The following FAM13A variants were observed in gnomAD, a reference collection of about 807,000 sequenced individuals.
The protein encoded by FAM13A is family with sequence similarity 13 member A.
FAM13A carries 76 observed loss-of-function variants against 129.6 expected under a neutral mutation model. That is an observed-to-expected ratio of 0.59 (90% CI 0.49 to 0.71). FAM13A has a LOEUF of 0.71. Ranked by LOEUF, FAM13A falls within the 30% of genes least tolerant of loss-of-function variation. The pLI is 0.00. For synonymous variants in FAM13A, 443 were observed against 449.9 expected (o/e 0.98, Z 0.20); for missense variants, 1,108 against 1,249.3 (o/e 0.89, Z 1.70).
At chr4:89,026,247 A>G (rs534228973) in intron 2 of FAM13A, among the ~76,000 whole-genome samples, 1 of 152,326 alleles carries the variant, frequency 6.6e-6, no homozygotes, top group South Asian at 2.1e-4. Context: ...GCTGGTTGTA[A>G]ATCCTGGCTT....
intron 4 of FAM13A, among the ~76,000 whole-genome samples, chr4:88,979,440 G>C (rs1404592280): frequency 6.6e-6 from 1 of 152,182 alleles, no homozygotes; most frequent in Non-Finnish European, 1.5e-5. Flanking sequence ...TAAGAGCTTG[G>C]AGCTGAGGAG....
At chr4:88,977,694 C>T (rs1340287693) in intron 4 of FAM13A, among the ~76,000 whole-genome samples, 1 of 152,066 alleles carries the variant, frequency 6.6e-6, no homozygotes, top group Non-Finnish European at 1.5e-5. Flanking sequence ...TCTACTATCT[C>T]CTTTTCAGTG....
At chr4:88,835,243 C>T (rs1047725633) in intron 7 of FAM13A, among the ~76,000 whole-genome samples, 26 of 152,284 alleles carry the variant, frequency 1.7e-4, no homozygotes, top group Admixed American at 3.9e-4. Flanking sequence ...TTCTCCTAGC[C>T]TGGAATATCC....
intron 7 of FAM13A, among the ~76,000 whole-genome samples, chr4:88,834,852 C>T (rs188896420): frequency 1.2e-3 from 178 of 152,068 alleles, no homozygotes; most frequent in African/African-American, 3.9e-3. Flanking sequence ...ACTATTATCT[C>T]TCTCTTCCTT....
At chr4:88,804,748 T>C (rs1459122671) in intron 8 of FAM13A, among the ~76,000 whole-genome samples, 1 of 152,206 alleles carries the variant, frequency 6.6e-6, no homozygotes, top group African/African-American at 2.4e-5. Context: ...CATCAGGCAG[T>C]TTTTAAATTA....
intron 4 of FAM13A, among the ~76,000 whole-genome samples, chr4:88,988,602 C>T (rs1182787773): frequency 6.6e-6 from 1 of 151,890 alleles, no homozygotes; most frequent in Non-Finnish European, 1.5e-5. Flanking sequence ...AATCATTATG[C>T]TCCTTCAAAT....
intron 1 of FAM13A, among the ~76,000 whole-genome samples, chr4:89,045,247 T>C (rs6818976): frequency 0.056 from 8,498 of 152,108 alleles, 778 homozygotes; most frequent in African/African-American, 0.19. Flanking sequence ...GAAAAAACAT[T>C]TCAGAAGTGA....
intron 7 of FAM13A, among the ~76,000 whole-genome samples, chr4:88,827,330 C>T (rs1733172532): frequency 6.6e-6 from 1 of 152,192 alleles, no homozygotes; most frequent in Admixed American, 6.5e-5. Context: ...CCATTCAATA[C>T]ACGCATTCAA....
At chr4:88,925,740 A>G (rs1370512428) in intron 5 of FAM13A, among the ~76,000 whole-genome samples, 1 of 152,114 alleles carries the variant, frequency 6.6e-6, no homozygotes, top group Non-Finnish European at 1.5e-5. Flanking sequence ...AGAAATGCCA[A>G]TGTATAAGTA....
chr4:88,863,009 C>CATAT (rs1739754913), intron 6 of FAM13A, among the ~76,000 whole-genome samples: 1 of 64,648 alleles, frequency 1.5e-5, no homozygotes, highest in Non-Finnish European at 3.0e-5. Context: ...CAAATATATA[C>CATAT]ATATATATTT....
intron 9 of FAM13A, 145 bp from the exon 10 acceptor site, chr4:88,788,077 T>G: frequency 1.7e-6 from 1 of 574,422 alleles, no homozygotes; most frequent in South Asian, 3.0e-5. Flanking sequence ...TGATGAGGCA[T>G]TAATCTAAAA....
chr4:89,025,862 G>A (rs1180246640), intron 2 of FAM13A, among the ~76,000 whole-genome samples: 1 of 152,090 alleles, frequency 6.6e-6, no homozygotes, highest in Non-Finnish European at 1.5e-5. Context: ...TAGCAATACT[G>A]TTTTAGAGAG....
At chr4:88,972,494 T>C (rs997020434) in intron 4 of FAM13A, among the ~76,000 whole-genome samples, 1 of 150,894 alleles carries the variant, frequency 6.6e-6, no homozygotes, top group Non-Finnish European at 1.5e-5. Flanking sequence ...AGAGACAGGG[T>C]ATCACCATGT....
intron 6 of FAM13A, among the ~76,000 whole-genome samples, chr4:88,864,225 C>T (rs995140421): frequency 6.6e-6 from 1 of 152,144 alleles, no homozygotes; most frequent in African/African-American, 2.4e-5. Flanking sequence ...GTGATCCTTT[C>T]CAGTCAGGGA....
At chr4:88,817,860 T>C (rs192332009) in intron 7 of FAM13A, among the ~76,000 whole-genome samples, 7 of 152,282 alleles carry the variant, frequency 4.6e-5, no homozygotes, top group South Asian at 2.1e-4. Context: ...TTTGCATTGA[T>C]GGAATTGAAA....
At chr4:88,834,024 G>C (rs918214003) in intron 7 of FAM13A, among the ~76,000 whole-genome samples, 2 of 149,968 alleles carry the variant, frequency 1.3e-5, no homozygotes, top group African/African-American at 4.9e-5. Flanking sequence ...CAAGTAGCTG[G>C]CTCTACAGGT....
chr4:89,017,883 A>G (rs1560817220), intron 3 of FAM13A, among the ~76,000 whole-genome samples: 1 of 152,168 alleles, frequency 6.6e-6, no homozygotes, highest in Non-Finnish European at 1.5e-5. Flanking sequence ...CTGACATACA[A>G]AGCTTAAAAG....
chr4:88,975,137 A>AT (rs1394540786), intron 4 of FAM13A, among the ~76,000 whole-genome samples: 30 of 152,332 alleles, frequency 2.0e-4, no homozygotes, highest in African/African-American at 7.2e-4. Context: ...AGAAATTCAC[A>AT]TATCACCTAG....
chr4:88,890,623 T>C (rs1413200808), intron 6 of FAM13A, among the ~76,000 whole-genome samples: 2 of 152,050 alleles, frequency 1.3e-5, no homozygotes, highest in East Asian at 1.9e-4. Context: ...GATCTCTATA[T>C]GGACAATAGA....
Sources: allele counts gnomAD v4.1 joint callset (sites outside exome capture counted in the v4.1 genomes callset), GRCh38; gene constraint gnomAD v4.1.1; transcripts MANE v1.5; gene names NCBI Gene and HGNC (gene_info 2026-07-23, HGNC 2026-07-21).